Variants in MAGI1 observed in about 807,000 individuals in gnomAD.
MAGI1 encodes the protein membrane associated guanylate kinase, WW and PDZ domain containing 1.
A neutral mutation model predicts 139.9 loss-of-function variants in MAGI1; 58 were observed. The ratio of observed to expected loss-of-function variants is 0.41; its 90% confidence interval spans 0.34 to 0.52. The LOEUF (loss-of-function observed/expected upper bound fraction) is 0.52, where lower values mean the gene tolerates loss of function less well. MAGI1 is among the 20% of genes least tolerant of loss of function. The pLI, the probability that MAGI1 is intolerant of heterozygous loss-of-function variation, is 0.12. For synonymous variants in MAGI1, 812 were observed against 737.9 expected (o/e 1.10, Z -1.63); for missense variants, 1,874 against 1,901.6 (o/e 0.99, Z 0.27).
chr3:65,360,339 G>T (rs975069896), intron 22 of MAGI1: 1 of 980,786 alleles, frequency 1.0e-6, no homozygotes, highest in Non-Finnish European at 1.2e-6. Flanking sequence ...TACATCTAGG[G>T]CATAGCTTCT....
At chr3:65,706,770 G>T (rs950036426) in intron 1 of MAGI1, among the ~76,000 whole-genome samples, 1 of 151,986 alleles carries the variant, frequency 6.6e-6, no homozygotes, top group South Asian at 2.1e-4. Context: ...TGGGTGGGGG[G>T]AACAGTATGG....
intron 1 of MAGI1, among the ~76,000 whole-genome samples, chr3:65,955,910 C>A (rs2064103969): frequency 6.6e-6 from 1 of 151,974 alleles, no homozygotes; most frequent in Admixed American, 6.5e-5. Context: ...AAACGAAAAG[C>A]AAAACTTCTC....
chr3:65,964,477 T>C (rs1266014857), intron 1 of MAGI1, among the ~76,000 whole-genome samples: 5 of 151,966 alleles, frequency 3.3e-5, no homozygotes, highest in Non-Finnish European at 7.4e-5. Context: ...GGTTCCTTTC[T>C]TATTGAGATA....
chr3:65,642,275 C>T (rs1284082992), intron 1 of MAGI1, among the ~76,000 whole-genome samples: 1 of 152,170 alleles, frequency 6.6e-6, no homozygotes, highest in African/African-American at 2.4e-5. Flanking sequence ...CCAATGAATG[C>T]TTGCAGCCAC....
At chr3:66,020,282 C>T (rs2067892106) in intron 1 of MAGI1, among the ~76,000 whole-genome samples, 1 of 152,136 alleles carries the variant, frequency 6.6e-6, no homozygotes, top group South Asian at 2.1e-4. Context: ...ATTAAAAATA[C>T]AAAAATTAGC....
intron 1 of MAGI1, among the ~76,000 whole-genome samples, chr3:65,802,424 T>C (rs530961242): frequency 6.6e-6 from 1 of 152,162 alleles, no homozygotes; most frequent in Non-Finnish European, 1.5e-5. Flanking sequence ...AACGCATTCA[T>C]GAGTTACTCG....
At chr3:65,519,772 G>C (rs1297987080) in intron 2 of MAGI1, among the ~76,000 whole-genome samples, 2 of 152,164 alleles carry the variant, frequency 1.3e-5, no homozygotes, top group Non-Finnish European at 2.9e-5. Context: ...ACAACAGTTT[G>C]GTGGTTATTA....
intron 4 of MAGI1, among the ~76,000 whole-genome samples, chr3:65,476,804 A>G (rs1401920806): frequency 6.6e-6 from 1 of 152,202 alleles, no homozygotes; most frequent in Non-Finnish European, 1.5e-5. Context: ...AAATGTTAAC[A>G]TGTTTCATGA....
chr3:65,916,011 C>G (rs2061886061), intron 1 of MAGI1, among the ~76,000 whole-genome samples: 2 of 148,294 alleles, frequency 1.3e-5, no homozygotes, highest in East Asian at 3.9e-4. Context: ...TATTTATATA[C>G]ATATAATTTA....
intron 1 of MAGI1, among the ~76,000 whole-genome samples, chr3:65,940,058 G>C (rs1168133759): frequency 6.6e-6 from 1 of 152,196 alleles, no homozygotes; most frequent in African/African-American, 2.4e-5. Context: ...CTTAGAAACA[G>C]AATTTCTACA....
chr3:65,842,337 T>A (rs1299954340), intron 1 of MAGI1, among the ~76,000 whole-genome samples: 1 of 151,218 alleles, frequency 6.6e-6, no homozygotes, highest in Admixed American at 6.7e-5. Context: ...ATGTTCCATA[T>A]CCCCTGAAAT....
chr3:65,536,620 G>A (rs1056393216), intron 2 of MAGI1, among the ~76,000 whole-genome samples: 1 of 152,068 alleles, frequency 6.6e-6, no homozygotes, highest in Non-Finnish European at 1.5e-5. Context: ...AGCTCCTGAG[G>A]TGCATGTGAC....
chr3:65,509,422 C>G (rs1189364413), intron 2 of MAGI1, among the ~76,000 whole-genome samples: 1 of 152,116 alleles, frequency 6.6e-6, no homozygotes, highest in Non-Finnish European at 1.5e-5. Context: ...GAGTGCCAGA[C>G]AGTGGGCGCA....
At position 66,038,281 on chromosome 3, in the gene MAGI1, G is replaced by C. The variant is rs141809711; in HGVS notation, c.28C>G (p.His10Asp). MSKVIQKKN[H>D]WTSRVHECTV... Reference sequence around the variant, plus strand: ...CATTCGTGAACCCTGCTAGTCCAGTGGTTCTTCTTCTGGATCACTTTGGAC... The same window carrying C: ...CATTCGTGAACCCTGCTAGTCCAGTCGTTCTTCTTCTGGATCACTTTGGAC... Residue 10 changes from histidine to aspartate, a missense_variant, in exon 1 of 23, where the codon CAC (histidine) becomes GAC (aspartate). Coordinates refer to ENST00000402939, the MANE Select transcript of MAGI1 (RefSeq NM_001033057.2). 1.3e-6 allele frequency: 2 copies of C among 1,597,614 alleles called. No homozygotes were observed. Among genetic ancestry groups the C allele is most frequent in the Non-Finnish European group, 1.7e-6 (2 of 1,171,260 alleles).
intron 2 of MAGI1, among the ~76,000 whole-genome samples, chr3:65,584,504 A>G (rs190195420): frequency 9.9e-5 from 15 of 152,282 alleles, no homozygotes; most frequent in Non-Finnish European, 1.9e-4. Flanking sequence ...GCAATTACTC[A>G]AAGATTTCAC....
chr3:65,693,040 T>G (rs926415544), intron 1 of MAGI1, among the ~76,000 whole-genome samples: 7 of 152,190 alleles, frequency 4.6e-5, no homozygotes, highest in Admixed American at 1.3e-4. Flanking sequence ...CAAGTGATCC[T>G]CCCACCTCAG....
At chr3:65,413,871 C>T (rs1021566568) in intron 12 of MAGI1, among the ~76,000 whole-genome samples, 1 of 152,164 alleles carries the variant, frequency 6.6e-6, no homozygotes, top group African/African-American at 2.4e-5. Flanking sequence ...AATGCAAGAA[C>T]TGTGAGGCCG....
intron 2 of MAGI1, chr3:65,549,536 T>C: frequency 1.1e-6 from 1 of 950,272 alleles, no homozygotes; most frequent in Non-Finnish European, 1.3e-6. Context: ...TTTATGGGGC[T>C]CGCAGGCAGT....
At chr3:65,963,217 C>G (rs964656292) in intron 1 of MAGI1, among the ~76,000 whole-genome samples, 1 of 148,672 alleles carries the variant, frequency 6.7e-6, no homozygotes, top group Non-Finnish European at 1.5e-5. Context: ...AAGGCTGAAG[C>G]AGAAGAATTG....
Sources: allele counts gnomAD v4.1 joint callset (sites outside exome capture counted in the v4.1 genomes callset), GRCh38; gene constraint gnomAD v4.1.1; transcripts MANE v1.5; gene names NCBI Gene and HGNC (gene_info 2026-07-23, HGNC 2026-07-21).